Variants in MAP3K15 observed in about 807,000 individuals in gnomAD.
The protein encoded by MAP3K15 is mitogen-activated protein kinase kinase kinase 15, also known as MAPK/ERK kinase kinase 15.
MAP3K15 carries 124 observed loss-of-function variants against 99.5 expected under a neutral mutation model. The observed-to-expected ratio is 1.25, with a 90% CI of 1.08 to 1.45. The LOEUF is 1.45. MAP3K15 is among the 40% of genes most tolerant of loss of function. The pLI, the probability that MAP3K15 is intolerant of heterozygous loss-of-function variation, is 0.00. For missense variants in MAP3K15, 1,242 were observed against 1,079.7 expected, an observed-to-expected ratio of 1.15 and a Z score of -2.11; for synonymous variants, 494 against 439.6, an observed-to-expected ratio of 1.12 and a Z score of -1.55.
chrX:19,490,763 A>T (rs898724906), intron 1 of MAP3K15, among the ~76,000 whole-genome samples: 3 of 79,659 alleles, frequency 3.8e-5, no homozygotes, highest in Admixed American at 1.2e-4. Context: ...ACTAAAAAAA[A>T]AAAAAAAATA....
intron 3 of MAP3K15, among the ~76,000 whole-genome samples, chrX:19,470,407 G>C (rs140726329): frequency 1.5e-4 from 16 of 110,207 alleles, no homozygotes; most frequent in Non-Finnish European, 3.0e-4. Flanking sequence ...GTTGTGGGGT[G>C]GGGGGAGCAG....
At chrX:19,469,734 G>A (rs2064193885) in intron 3 of MAP3K15, among the ~76,000 whole-genome samples, 1 of 111,174 alleles carries the variant, frequency 9.0e-6, no homozygotes, top group Non-Finnish European at 1.9e-5. Flanking sequence ...TCAACAAGTG[G>A]GCGAAGGATA....
intron 11 of MAP3K15, 124 bp from the exon 12 acceptor site, chrX:19,410,097 A>G (rs1378062842): frequency 2.1e-6 from 1 of 475,932 alleles, no homozygotes; most frequent in East Asian, 3.7e-5. Flanking sequence ...TTTACGGGTT[A>G]CAGCAATACA....
At chrX:19,422,019 A>C (rs890297389) in intron 9 of MAP3K15, among the ~76,000 whole-genome samples, 1 of 111,212 alleles carries the variant, frequency 9.0e-6, no homozygotes, top group African/African-American at 3.3e-5. Context: ...CACCTTATGC[A>C]AAAATTAATT....
At chrX:19,387,133 C>A (rs1348892039) in intron 18 of MAP3K15, among the ~76,000 whole-genome samples, 1 of 111,933 alleles carries the variant, frequency 8.9e-6, no homozygotes, top group Admixed American at 9.5e-5. Flanking sequence ...TTGTTCCTAA[C>A]CCAAAGCCTT....
intron 11 of MAP3K15, among the ~76,000 whole-genome samples, chrX:19,411,217 A>C (rs1156864258): frequency 2.7e-5 from 3 of 110,934 alleles, no homozygotes; most frequent in Non-Finnish European, 5.7e-5. Context: ...GGTTGGCCTG[A>C]GGAATGTCAC....
chrX:19,394,814 TTTTTTTTTTTTTTTTTTTTTTAA>T (rs2063555569), intron 16 of MAP3K15, among the ~76,000 whole-genome samples: 1 of 62,371 alleles, frequency 1.6e-5, no homozygotes, highest in African/African-American at 9.1e-5. Context: ...TTTTTTTTTT[TTTTTTTTTTTTTTTTTTTTTTAA>T]AAAGAGTGAT....
chrX:19,446,762 G>A, intron 6 of MAP3K15, among the ~76,000 whole-genome samples: 1 of 111,143 alleles, frequency 9.0e-6, no homozygotes, highest in East Asian at 2.8e-4. Flanking sequence ...ACACGGGGTG[G>A]CATCGGGTGA....
chrX:19,459,073 G>A (rs1419312594), intron 5 of MAP3K15, among the ~76,000 whole-genome samples: 1 of 111,338 alleles, frequency 9.0e-6, no homozygotes, highest in Non-Finnish European at 1.9e-5. Context: ...GGTCCTGAAT[G>A]TGTTTCTGCT....
intron 24 of MAP3K15, among the ~76,000 whole-genome samples, chrX:19,369,925 G>A (rs2063362588): frequency 9.1e-6 from 1 of 109,325 alleles, no homozygotes; most frequent in Admixed American, 9.7e-5. Flanking sequence ...AAAAAAAAAA[G>A]AAAAGAAAGA....
rs1042350385 is a variant in MAP3K15 at position 19,492,795 on chromosome X, C to T, written c.362-3828G>A. Among the ~76,000 whole-genome samples the T allele has an allele frequency of 3.6e-5, 4 of 110,373 alleles. No homozygotes were observed. In the East Asian group the frequency reaches 8.5e-4, roughly 24 times the overall value. On this transcript the variant is annotated intron_variant, in intron 1 of 28. Coordinates refer to ENST00000338883, the MANE Select transcript of MAP3K15 (RefSeq NM_001001671.4). ...CAGCCTACCCAACGTGGTGAAATCCCGTCTCTACTAAAAATACAAAAAATT... is the reference window on the plus strand; with the variant it reads ...CAGCCTACCCAACGTGGTGAAATCCTGTCTCTACTAAAAATACAAAAAATT...
intron 6 of MAP3K15, among the ~76,000 whole-genome samples, chrX:19,455,744 G>T (rs1447065809): frequency 9.2e-6 from 1 of 108,996 alleles, no homozygotes; most frequent in African/African-American, 3.3e-5. Flanking sequence ...GTCTGACAAC[G>T]GTTACCTCTA....
chrX:19,515,032 C>A lies in MAP3K15; in HGVS notation c.230G>T (p.Gly77Val). 9.5e-7 allele frequency: 1 copy of A among 1,047,426 alleles called. No individual in the cohort carries two copies. Among genetic ancestry groups the A allele is most frequent in the Non-Finnish European group, 1.2e-6 (1 of 806,331 alleles). 86.3% of individuals were successfully genotyped at this position (1,047,426 alleles called of 1,213,427 possible). Residue 77 changes from glycine to valine, a missense_variant, in exon 1 of 29, where the codon GGC becomes GTC. Transcript: ENST00000338883. ...CTGCCGCGCCCCAGCCTCCGGGCCG[C>A]CGGCCGCGCCGCCCTGGGAGCTCTC... is the stretch of plus-strand genomic sequence containing the variant. ...RSESSQGGAA[G>V]GPEAGARQCL...
At chrX:19,400,462 G>A in intron 14 of MAP3K15, 114 bp downstream of exon 14, 1 of 472,567 alleles carries the variant, frequency 2.1e-6, no homozygotes, top group Non-Finnish European at 3.6e-6. Flanking sequence ...AGTGATGGCT[G>A]GCAGGTTCAT....
chrX:19,379,080 G>T (rs2063439828), intron 19 of MAP3K15, among the ~76,000 whole-genome samples: 1 of 110,951 alleles, frequency 9.0e-6, no homozygotes, highest in Non-Finnish European at 1.9e-5. Flanking sequence ...TAAAGGGAAA[G>T]GACCCTCCCC....
intron 22 of MAP3K15, among the ~76,000 whole-genome samples, chrX:19,372,333 G>A (rs930277324): frequency 1.6e-4 from 18 of 110,738 alleles, no homozygotes; most frequent in African/African-American, 5.6e-4. Context: ...ACTCAAAACC[G>A]GATCATGAGA....
chrX:19,385,158 C>T (rs2063486545), intron 18 of MAP3K15, among the ~76,000 whole-genome samples: 1 of 111,897 alleles, frequency 8.9e-6, no homozygotes, highest in African/African-American at 3.3e-5. Flanking sequence ...AACTAACTAG[C>T]TGGGTGGACC....
intron 2 of MAP3K15, among the ~76,000 whole-genome samples, chrX:19,486,992 G>T (rs1351029291): frequency 1.8e-5 from 2 of 110,302 alleles, no homozygotes; most frequent in Non-Finnish European, 3.8e-5. Context: ...AAGGGGTGTT[G>T]GTAGTAGAAT....
Position 19,407,276 on chromosome X carries a change from T to C in MAP3K15, c.1756A>G (p.Lys586Glu). The C allele has an allele frequency of 1.7e-6, 2 of 1,157,490 alleles. No individual in the cohort carries two copies. Among genetic ancestry groups the C allele is most frequent in the Non-Finnish European group, 2.3e-6 (2 of 857,802 alleles). ...AGAAAACAACACCTTTCATCAAACT[T>C]TGATAGGCTGTAAAATTTCAAAGCA... is the stretch of plus-strand genomic sequence containing the variant. ...ASSIKGISLS[K>E]FDERCCFLYV... Residue 586 changes from lysine to glutamate, a missense_variant, in exon 13 of 29, where the codon AAG becomes GAG. Lys to Glu is a moderately conservative substitution (Grantham distance 56). Transcript: ENST00000338883.
Sources: allele counts gnomAD v4.1 joint callset (sites outside exome capture counted in the v4.1 genomes callset), GRCh38; gene constraint gnomAD v4.1.1; transcripts MANE v1.5; gene names NCBI Gene and HGNC (gene_info 2026-07-23, HGNC 2026-07-21).